Variants in ARAP1 observed in about 807,000 individuals in gnomAD.
The protein encoded by ARAP1 is arf-GAP with Rho-GAP domain, ANK repeat and PH domain-containing protein 1.
A neutral mutation model predicts 172.2 loss-of-function variants in ARAP1; 76 were observed. The observed-to-expected ratio is 0.44, with a 90% CI of 0.37 to 0.53. ARAP1 has a LOEUF of 0.53. Ranked by LOEUF, ARAP1 falls within the 20% of genes least tolerant of loss-of-function variation. The probability of loss-of-function intolerance (pLI) is 0.00; values close to 1 mark genes in which losing one functional copy is unlikely to be tolerated. For synonymous variants in ARAP1, 804 were observed against 803.3 expected (o/e 1.00, Z -0.01); for missense variants, 1,686 against 1,977.5 (o/e 0.85, Z 2.80).
At chr11:72,713,017 G>T in intron 5 of ARAP1, 159 bp downstream of exon 5, 1 of 759,842 alleles carries the variant, frequency 1.3e-6, no homozygotes, top group Non-Finnish European at 2.2e-6. Context: ...GGCTACACGT[G>T]ACTCCTGACC....
At chr11:72,745,753 G>C (rs1858347279) in intron 1 of ARAP1, among the ~76,000 whole-genome samples, 1 of 152,114 alleles carries the variant, frequency 6.6e-6, no homozygotes, top group African/African-American at 2.4e-5. Flanking sequence ...AGGTGGAGAG[G>C]ACCAGGGGCC....
chr11:72,697,222 G>C (rs764736427), intron 21 of ARAP1, 27 bp from the exon 22 acceptor site: 2 of 1,592,680 alleles, frequency 1.3e-6, no homozygotes, highest in Non-Finnish European at 1.7e-6. Flanking sequence ...CCAAGCGTTC[G>C]GGGCCTGAGG....
chr11:72,721,736 A>G, intron 3 of ARAP1: 1 of 882,634 alleles, frequency 1.1e-6, no homozygotes, highest in Non-Finnish European at 1.4e-6. Flanking sequence ...GAGAAGGGGG[A>G]GGAGAGCAGC....
In ARAP1 at chr11:72,714,285, T is replaced by C. The variant is rs1370862782; in HGVS notation, c.546A>G (p.Ser182=). ...ACTGTGGCTGGGGAGGGGATGATAATGATGGCAGCAATGACTCCTCCTCCT... is the reference window on the plus strand; with the variant it reads ...ACTGTGGCTGGGGAGGGGATGATAACGATGGCAGCAATGACTCCTCCTCCT... ...PTKEEESLLP[S]LSSPPQPQSE... The change falls in exon 4 of 35, where the codon TCA becomes TCG. Residue 182 remains serine, a synonymous_variant. Coordinates refer to ENST00000393609, the MANE Select transcript of ARAP1 (RefSeq NM_001040118.3). 1 of 1,544,876 alleles carries C rather than the reference T, an allele frequency of 6.5e-7. No homozygotes were observed.
rs746380708 is a variant in ARAP1 at position 72,711,450 on chromosome 11, G to T, written c.1072C>A (p.Arg358=). ...CTCACCTTGTTACTGTCAAAGTATCGCAGGTGATCAGTATCCAGTCTCACC... is the reference window on the plus strand; with the variant it reads ...CTCACCTTGTTACTGTCAAAGTATCTCAGGTGATCAGTATCCAGTCTCACC... ...RWVRLDTDHL[R]YFDSNKDAYS... The change falls in exon 8 of 35, where the codon CGA becomes AGA. Residue 358 remains arginine, a synonymous_variant. Coordinates refer to ENST00000393609, the MANE Select transcript of ARAP1 (RefSeq NM_001040118.3). 9 of 1,612,644 alleles carry T rather than the reference G, an allele frequency of 5.6e-6. No individual in the cohort carries two copies. The highest frequency in any genetic ancestry group is 7.6e-6 in the Non-Finnish European group (9 of 1,178,874).
chr11:72,686,087 A>G lies in ARAP1; in HGVS notation c.4290T>C (p.Asn1430=). ...AGGCAGCCACACTCCGGCGCATTTC[A>G]TTTTCACTACCTCGAAGGGGGATCA... ...VSLIPLRGSE[N]EMRRSVAAFT... is the part of the protein sequence containing the mutation. Residue 1430 remains asparagine (N), a synonymous_variant, in exon 34 of 35, where the codon AAT becomes AAC. Coordinates refer to ENST00000393609, the MANE Select transcript of ARAP1 (RefSeq NM_001040118.3). 6.2e-7 allele frequency: 1 copy of G among 1,613,952 alleles called. No homozygotes were observed. Among genetic ancestry groups the G allele is most frequent in the Non-Finnish European group, 8.5e-7 (1 of 1,180,006 alleles).
Position 72,685,463 on chromosome 11 carries a change from G to C in ARAP1, c.*201C>G, listed in dbSNP as rs1192015061. On this transcript the variant is annotated 3_prime_UTR_variant, in exon 35 of 35. Transcript: ENST00000393609. Reference sequence around the variant, plus strand: ...TGAACACCTGGACAGAGTTGGGAGAGGTTCCTGCCCAGGCTGACCCCTGCT... The same window carrying C: ...TGAACACCTGGACAGAGTTGGGAGACGTTCCTGCCCAGGCTGACCCCTGCT... The C allele has an allele frequency of 8.9e-6, 6 of 673,636 alleles. No homozygotes were observed. Among genetic ancestry groups the C allele is most frequent in the Non-Finnish European group, 1.5e-5 (6 of 396,318 alleles). The allele number at this position is 673,636 out of a possible 1,614,324, so 41.7% of individuals were successfully genotyped here. A position where few individuals can be genotyped will look rare whatever the true frequency, so the allele number is the denominator to read the frequency against.
chr11:72,735,438 T>C (rs935011832), intron 1 of ARAP1, among the ~76,000 whole-genome samples: 1 of 151,746 alleles, frequency 6.6e-6, no homozygotes, highest in Non-Finnish European at 1.5e-5. Context: ...CTACTAAAAA[T>C]ACAAAAAATT....
At position 72,748,490 on chromosome 11, in the gene ARAP1, A is replaced by C. The variant is rs1386893306; in HGVS notation, c.-128+3838T>G. 7.3e-5 allele frequency among the ~76,000 whole-genome samples: 11 copies of C among 151,220 alleles called. No homozygotes were observed. The South Asian group carries it at 1.0e-3, about 14-fold the overall frequency. On this transcript the variant is annotated intron_variant, in intron 1 of 34. Coordinates refer to ENST00000393609, the MANE Select transcript of ARAP1 (RefSeq NM_001040118.3). ...AGCCGAGATCATGCCACCACACTTGAGCCTGGGCTACAGAGCAAGACTCCA... is the reference window on the plus strand; with the variant it reads ...AGCCGAGATCATGCCACCACACTTGCGCCTGGGCTACAGAGCAAGACTCCA...
intron 18 of ARAP1, 84 bp downstream of exon 18, chr11:72,698,921 G>T: frequency 7.2e-7 from 1 of 1,381,756 alleles, no homozygotes; most frequent in Non-Finnish European, 1.0e-6. Flanking sequence ...CTAGACGGGG[G>T]AGCTGGGATA....
chr11:72,693,200 C>T lies in ARAP1; in HGVS notation c.3954+125G>A. On this transcript the variant is annotated intron_variant, in intron 29 of 34. Transcript: ENST00000393609. The surrounding 1 kb of genome is among the most constrained non-coding windows in gnomAD (Gnocchi z 4.6). ...GGTCTTGAGAGTCTACAGTTCTCCC[C>T]CACTGCTGTGCCATCCTGAGAGCCT... The T allele has an allele frequency of 7.9e-6, 11 of 1,391,384 alleles. No individual in the cohort carries two copies. The highest frequency in any genetic ancestry group is 1.1e-5 in the Non-Finnish European group (11 of 1,029,888). 86.2% of individuals were successfully genotyped at this position (1,391,384 alleles called of 1,614,324 possible). A position where few individuals can be genotyped will look rare whatever the true frequency, so the allele number is the denominator to read the frequency against.
At chr11:72,705,460 A>C (rs1317927308) in intron 13 of ARAP1, 1 of 240,400 alleles carries the variant, frequency 4.2e-6, no homozygotes, top group Non-Finnish European at 8.1e-6. Context: ...AATGGATGAC[A>C]GTGAAATTAG....
rs1349264922 is a variant in ARAP1, at chr11:72,687,723, C to A, written c.4086G>T (p.Val1362=). The A allele has an allele frequency of 6.2e-7, 1 of 1,614,046 alleles. No individual in the cohort carries two copies. The highest frequency in any genetic ancestry group is 8.5e-7 in the Non-Finnish European group (1 of 1,180,046). ...LRPPTCWGFT[V]VHETEKHEKQ... ...TCTCATGTTTCTCTGTCTCATGCAC[C>A]ACTGTGAAGCCCCAGCTACAGAGGA... Residue 1362 remains valine, a synonymous_variant, in exon 32 of 35, where the codon GTG becomes GTT. Transcript: ENST00000393609.
intron 1 of ARAP1, among the ~76,000 whole-genome samples, chr11:72,750,169 G>T (rs1565235982): frequency 6.6e-6 from 1 of 152,228 alleles, no homozygotes; most frequent in Non-Finnish European, 1.5e-5. Flanking sequence ...GCGGGGTAGA[G>T]GGGACAGCTG....
At chr11:72,742,516 GGGA>G (rs1319854702) in intron 1 of ARAP1, among the ~76,000 whole-genome samples, 7 of 152,166 alleles carry the variant, frequency 4.6e-5, no homozygotes, top group Non-Finnish European at 1.0e-4. Context: ...GTAAGGCCCA[GGGA>G]GGAGAAGGGG....
In ARAP1 at chr11:72,726,958, G is replaced by T. The variant is rs1236985138; in HGVS notation, c.171C>A (p.Arg57=). 1 of 1,600,272 alleles carries T rather than the reference G, an allele frequency of 6.2e-7. No individual in the cohort carries two copies. ...GGAGCAGGCCAGCCAGGATGCGGCG[G>T]CGGTGACCAGGGAGTAGCATGCCCA... ...MDMGMLLPGH[R]RRILAGLLRA... The change falls in exon 3 of 35, where the codon CGC becomes CGA. Residue 57 remains arginine, a synonymous_variant. Transcript: ENST00000393609. The surrounding 1 kb of genome is among the most constrained non-coding windows in gnomAD (Gnocchi z 6.5).
chr11:72,712,533 CACG>C lies in ARAP1; in HGVS notation c.780_782del (p.Val261del). ...CCTCGCTCAGCAGACTGGCCACGCG[CACG>C]GCCCGTGGGACTCGGCTCGGTGGGG... On this transcript the variant is annotated inframe_deletion, in exon 6 of 35. Transcript: ENST00000393609. The C allele has an allele frequency of 2.5e-6, 4 of 1,613,654 alleles. No individual in the cohort carries two copies. Among genetic ancestry groups the C allele is most frequent in the Non-Finnish European group, 3.4e-6 (4 of 1,179,922 alleles).
rs374749495 is a variant in ARAP1 at position 72,704,300 on chromosome 11, C to T, written c.1844G>A (p.Arg615His). 8.1e-6 allele frequency: 13 copies of T among 1,604,158 alleles called. No individual in the cohort carries two copies. Among genetic ancestry groups the T allele is most frequent in the East Asian group, 2.2e-5 (1 of 44,758 alleles). Residue 615 changes from arginine (R) to histidine (H), a missense_variant, in exon 14 of 35, where the codon CGC (arginine) becomes CAC (histidine). By Grantham distance (29) the Arg-to-His change is conservative. Transcript: ENST00000393609. Reference protein sequence around the residue: ...FLQLGNGAGNRFWAANVPPSE... With the variant: ...FLQLGNGAGNHFWAANVPPSE... ...GGGGGGCACGTTGGCTGCCCAGAAG[C>T]GGTTCCCAGCGCCATTCCCCAGCTG...
chr11:72,721,931 T>C, intron 3 of ARAP1: 2 of 986,288 alleles, frequency 2.0e-6, no homozygotes, highest in Non-Finnish European at 2.4e-6. Flanking sequence ...GAATGTCGTG[T>C]ACCTGCCCGT....
Sources: gnomAD v4.1 joint callset for allele counts (sites outside exome capture counted in the v4.1 genomes callset) on GRCh38, gnomAD v4.1.1 for gene constraint, Gnocchi (gnomAD v3.1) non-coding constraint, MANE v1.5 for transcripts, NCBI Gene and HGNC (gene_info 2026-07-23, HGNC 2026-07-21) for gene names.